The following KCNJ6 variants were observed in gnomAD, a reference collection of about 807,000 sequenced individuals.
KCNJ6 encodes G protein-activated inward rectifier potassium channel 2.
Under a neutral mutation model 34.2 loss-of-function variants are expected in KCNJ6, and 9 were observed. The observed-to-expected ratio is 0.26, with a 90% CI of 0.16 to 0.46. KCNJ6 has a LOEUF of 0.46. Ranked by LOEUF, KCNJ6 falls within the 20% of genes least tolerant of loss-of-function variation. The pLI is 1.00. For synonymous variants in KCNJ6, 196 were observed against 207.1 expected, an observed-to-expected ratio of 0.95 and a Z score of 0.46; for missense variants, 236 against 531.3, an observed-to-expected ratio of 0.44 and a Z score of 5.46.
chr21:37,721,645 T>G (rs1219090396), intron 2 of KCNJ6, among the ~76,000 whole-genome samples: 1 of 152,206 alleles, frequency 6.6e-6, no homozygotes, highest in Non-Finnish European at 1.5e-5. Context: ...GAAGACATTA[T>G]TTAAATGAAA....
intron 1 of KCNJ6, among the ~76,000 whole-genome samples, chr21:37,846,379 G>A (rs1046906076): frequency 6.6e-6 from 1 of 151,234 alleles, no homozygotes; most frequent in Non-Finnish European, 1.5e-5. Flanking sequence ...GTGTGTGTGT[G>A]TGTGTGTGTG....
At chr21:37,716,316 C>T (rs2054790619) in intron 2 of KCNJ6, among the ~76,000 whole-genome samples, 1 of 151,892 alleles carries the variant, frequency 6.6e-6, no homozygotes, top group Non-Finnish European at 1.5e-5. Flanking sequence ...GTTTCTGCCT[C>T]CTCAACATTC....
chr21:37,742,967 T>C (rs1021189350), intron 2 of KCNJ6, among the ~76,000 whole-genome samples: 9 of 152,182 alleles, frequency 5.9e-5, no homozygotes, highest in African/African-American at 2.2e-4. Flanking sequence ...GCCTCTGTTG[T>C]CTCCCAGGCT....
At chr21:37,748,498 C>T (rs962125281) in intron 2 of KCNJ6, among the ~76,000 whole-genome samples, 1 of 152,080 alleles carries the variant, frequency 6.6e-6, no homozygotes, top group Non-Finnish European at 1.5e-5. Context: ...GAAGTCTTAA[C>T]AGTGTTTTCC....
intron 2 of KCNJ6, among the ~76,000 whole-genome samples, chr21:37,777,621 A>C (rs2055148514): frequency 6.6e-6 from 1 of 152,174 alleles, no homozygotes; most frequent in East Asian, 1.9e-4. Context: ...AGTTGACTCA[A>C]GGTAGAGAAC....
chr21:37,881,486 AG>A (rs1276496164), intron 1 of KCNJ6, among the ~76,000 whole-genome samples: 10 of 151,914 alleles, frequency 6.6e-5, no homozygotes, highest in African/African-American at 1.9e-4. Flanking sequence ...AGAGAGAGAG[AG>A]AGAGAGAAAG....
At chr21:37,784,439 G>A (rs2055183804) in intron 2 of KCNJ6, among the ~76,000 whole-genome samples, 1 of 152,204 alleles carries the variant, frequency 6.6e-6, no homozygotes. Context: ...TGAGCAGTGG[G>A]TTGTACATTG....
At chr21:37,710,688 G>A (rs1188180143) in intron 3 of KCNJ6, among the ~76,000 whole-genome samples, 2 of 152,164 alleles carry the variant, frequency 1.3e-5, no homozygotes, top group Admixed American at 6.5e-5. Context: ...ATCTTGCCTC[G>A]AGGCCCATTT....
chr21:37,786,570 C>G (rs1231886614), intron 2 of KCNJ6, among the ~76,000 whole-genome samples: 3 of 152,216 alleles, frequency 2.0e-5, no homozygotes, highest in Non-Finnish European at 4.4e-5. Flanking sequence ...AGTGCAGCTA[C>G]CCCGATTGGT....
chr21:37,813,066 G>A (rs574345934), intron 2 of KCNJ6, among the ~76,000 whole-genome samples: 1 of 152,224 alleles, frequency 6.6e-6, no homozygotes, highest in Non-Finnish European at 1.5e-5. Flanking sequence ...ATGCAGTAAA[G>A]GTTCAGGATA....
At chr21:37,767,777 T>A (rs533959936) in intron 2 of KCNJ6, among the ~76,000 whole-genome samples, 1 of 152,232 alleles carries the variant, frequency 6.6e-6, no homozygotes, top group African/African-American at 2.4e-5. Flanking sequence ...TTTGTTTTTT[T>A]CTCTCCCTCC....
At chr21:37,784,434 A>AGT (rs1326799725) in intron 2 of KCNJ6, among the ~76,000 whole-genome samples, 4 of 152,246 alleles carry the variant, frequency 2.6e-5, no homozygotes. Flanking sequence ...AGCCATGAGC[A>AGT]GTGGGTTGTA....
At chr21:37,635,707 G>A (rs145375076) in intron 3 of KCNJ6, among the ~76,000 whole-genome samples, 37 of 152,016 alleles carry the variant, frequency 2.4e-4, no homozygotes, top group African/African-American at 8.7e-4. Flanking sequence ...TGTAGAGATG[G>A]GTTTTTGCCA....
At chr21:37,798,893 T>G (rs960899391) in intron 2 of KCNJ6, among the ~76,000 whole-genome samples, 2 of 152,198 alleles carry the variant, frequency 1.3e-5, no homozygotes, top group Non-Finnish European at 2.9e-5. Flanking sequence ...AATGGGTGAA[T>G]CGTACGGCAT....
intron 3 of KCNJ6, among the ~76,000 whole-genome samples, chr21:37,669,456 T>C (rs2054531942): frequency 6.6e-6 from 1 of 152,164 alleles, no homozygotes; most frequent in Non-Finnish European, 1.5e-5. Flanking sequence ...ATACTACAAA[T>C]TCAAAGCTCA....
intron 1 of KCNJ6, among the ~76,000 whole-genome samples, chr21:37,888,694 T>C (rs1315556646): frequency 6.6e-6 from 1 of 152,192 alleles, no homozygotes; most frequent in Non-Finnish European, 1.5e-5. Context: ...TACGAGCCCA[T>C]GGGTGAGTTT....
chr21:37,704,737 G>A (rs543151460), intron 3 of KCNJ6, among the ~76,000 whole-genome samples: 4 of 152,208 alleles, frequency 2.6e-5, no homozygotes, highest in South Asian at 2.1e-4. Context: ...AACCCCAGCC[G>A]AGCTTAATTA....
At chr21:37,733,515 A>G (rs2054896889) in intron 2 of KCNJ6, among the ~76,000 whole-genome samples, 1 of 152,198 alleles carries the variant, frequency 6.6e-6, no homozygotes, top group South Asian at 2.1e-4. Flanking sequence ...CCAGTGGCCA[A>G]ACATCTCCGC....
rs375428876 is a variant in KCNJ6, at chr21:37,848,657, T to A, written c.-27-7948A>T. On this transcript the variant is annotated intron_variant, in intron 1 of 3. Coordinates refer to ENST00000609713, the MANE Select transcript of KCNJ6 (RefSeq NM_002240.5). ...GATAAATCAGATTCAAAGTTAAGTT[T>A]GTACTAACATTGCCTCAATTCCTTT... 3.9e-4 allele frequency among the ~76,000 whole-genome samples: 59 copies of A among 152,370 alleles called. 1 individual carries two copies. Among genetic ancestry groups the A allele is most frequent in the African/African-American group, 1.4e-3 (58 of 41,592 alleles).
Sources: allele counts gnomAD v4.1 joint callset (sites outside exome capture counted in the v4.1 genomes callset), GRCh38; gene constraint gnomAD v4.1.1; transcripts MANE v1.5; gene names NCBI Gene and HGNC (gene_info 2026-07-23, HGNC 2026-07-21).